Variants in GMDS observed in about 807,000 individuals in gnomAD.
GMDS encodes the protein GDP-mannose 4,6-dehydratase, also known as GDP-mannose 4,6 dehydratase.
Under a neutral mutation model 49.9 loss-of-function variants are expected in GMDS, and 20 were observed. That is an observed-to-expected ratio of 0.40 (90% CI 0.28 to 0.58). GMDS has a LOEUF of 0.58. Ranked by LOEUF, GMDS falls within the 20% of genes least tolerant of loss-of-function variation. The probability of loss-of-function intolerance (pLI) is 0.42; values close to 1 mark genes in which losing one functional copy is unlikely to be tolerated. For missense variants in GMDS, 362 were observed against 481.4 expected (o/e 0.75, Z 2.32); for synonymous variants, 177 against 178.6 (o/e 0.99, Z 0.07).
intron 1 of GMDS, among the ~76,000 whole-genome samples, chr6:2,158,378 C>A (rs1777214921): frequency 1.3e-5 from 2 of 152,166 alleles, no homozygotes; most frequent in Admixed American, 1.3e-4. Flanking sequence ...GTACTTCCTA[C>A]AGTTTGGTAA....
chr6:1,663,212 T>C (rs1286269902), intron 9 of GMDS, among the ~76,000 whole-genome samples: 1 of 152,198 alleles, frequency 6.6e-6, no homozygotes, highest in African/African-American at 2.4e-5. Flanking sequence ...GAAATTCAAC[T>C]TGGGGTGTCT....
intron 4 of GMDS, among the ~76,000 whole-genome samples, chr6:2,081,776 G>A (rs1772715639): frequency 1.3e-5 from 2 of 152,072 alleles, no homozygotes. Context: ...CAGCGTAGGT[G>A]AATGACCCAT....
intron 7 of GMDS, among the ~76,000 whole-genome samples, chr6:1,805,952 T>C (rs1465392989): frequency 6.6e-6 from 1 of 152,114 alleles, no homozygotes; most frequent in Non-Finnish European, 1.5e-5. Flanking sequence ...TATATGAAAA[T>C]GTAGATATAT....
chr6:2,245,190 C>G (rs964339356), intron 1 of GMDS, 131 bp downstream of exon 1: 3 of 666,148 alleles, frequency 4.5e-6, no homozygotes, highest in Non-Finnish European at 7.9e-6. Context: ...TCCCACCTCC[C>G]GGCAGCAGAC....
At chr6:1,707,221 C>T (rs565288193) in intron 9 of GMDS, among the ~76,000 whole-genome samples, 3 of 152,180 alleles carry the variant, frequency 2.0e-5, no homozygotes, top group South Asian at 2.1e-4. Context: ...ACCAGAACCA[C>T]GTCTCTGCTA....
intron 4 of GMDS, among the ~76,000 whole-genome samples, chr6:1,974,017 C>T (rs982891783): frequency 6.6e-6 from 1 of 152,064 alleles, no homozygotes. Flanking sequence ...TTGTAAGTCA[C>T]AAAACAAGAG....
chr6:1,798,564 C>T (rs902313564), intron 7 of GMDS, among the ~76,000 whole-genome samples: 5 of 152,122 alleles, frequency 3.3e-5, no homozygotes, highest in Non-Finnish European at 5.9e-5. Flanking sequence ...GAGGTAGAAG[C>T]GTGAGGCTCC....
intron 7 of GMDS, among the ~76,000 whole-genome samples, chr6:1,891,938 C>T (rs995715495): frequency 5.9e-5 from 9 of 152,174 alleles, no homozygotes; most frequent in Admixed American, 1.3e-4. Flanking sequence ...CAAATCCCAT[C>T]GACTGTAAAC....
intron 7 of GMDS, among the ~76,000 whole-genome samples, chr6:1,850,414 A>T (rs567998125): frequency 2.0e-5 from 3 of 152,338 alleles, no homozygotes; most frequent in Admixed American, 2.0e-4. Context: ...GTCAGTTTTC[A>T]GTTAATTTAC....
At chr6:1,947,899 A>C (rs578090333) in intron 6 of GMDS, among the ~76,000 whole-genome samples, 1 of 152,354 alleles carries the variant, frequency 6.6e-6, no homozygotes, top group Non-Finnish European at 1.5e-5. Context: ...TGTTCAGAGA[A>C]AACAAAGTCA....
intron 1 of GMDS, among the ~76,000 whole-genome samples, chr6:2,125,341 C>A (rs948695625): frequency 1.3e-5 from 2 of 152,056 alleles, no homozygotes; most frequent in Non-Finnish European, 2.9e-5. Context: ...GTTGCCCAGG[C>A]TGGTGTCAAA....
intron 9 of GMDS, among the ~76,000 whole-genome samples, chr6:1,651,291 C>T (rs774517630): frequency 8.5e-5 from 13 of 152,204 alleles, no homozygotes; most frequent in African/African-American, 2.2e-4. Flanking sequence ...TCAAAGAGTC[C>T]GGCTGGTGTG....
In GMDS at chr6:2,128,928, G is replaced by A. The variant is rs114570939; in HGVS notation, c.103-4197C>T. Among the ~76,000 whole-genome samples, 971 of 152,268 alleles carry A rather than the reference G, an allele frequency of 6.4e-3. 10 individuals are homozygous for A. The highest frequency in any genetic ancestry group is 0.022 in the African/African-American group (930 of 41,534). On this transcript the variant is annotated intron_variant, in intron 1 of 10. Coordinates refer to ENST00000380815, the MANE Select transcript of GMDS (RefSeq NM_001500.4). ...TGCAGTTGTTCAGTGTTGTTTGGAG[G>A]TGGATTTAGATTGCTGGTGGTTGTA...
chr6:1,769,778 C>T lies in GMDS; in HGVS notation c.772-27192G>A, dbSNP rs139315392. ...AGTGCAGTGGCGTGATCTCCACAAC[C>T]AAAAAATGCGTGATCTCTGCTCACT... is the stretch of plus-strand genomic sequence containing the variant. On this transcript the variant is annotated intron_variant, in intron 7 of 10. Coordinates refer to ENST00000380815, the MANE Select transcript of GMDS (RefSeq NM_001500.4). Among the ~76,000 whole-genome samples the T allele has an allele frequency of 8.9e-3, 1,358 of 151,966 alleles. 11 individuals carry two copies. Among genetic ancestry groups the T allele is most frequent in the Non-Finnish European group, 0.015 (1,043 of 67,980 alleles).
rs935113867 is a variant in GMDS, at chr6:1,709,351, G to C, written c.987+17065C>G. ...GGGAGGAAAGTTGCAGAGGCTTCGT[G>C]GGGGAGCACGGCCTGGAAACTGGCT... On this transcript the variant is annotated intron_variant, in intron 9 of 10. Coordinates refer to ENST00000380815, the MANE Select transcript of GMDS (RefSeq NM_001500.4). 3.9e-5 allele frequency among the ~76,000 whole-genome samples: 6 copies of C among 152,234 alleles called. No individual in the cohort carries two copies. The East Asian group carries it at 5.8e-4, about 15-fold the overall frequency.
At chr6:2,094,039 T>C (rs2127479016) in intron 4 of GMDS, among the ~76,000 whole-genome samples, 1 of 152,286 alleles carries the variant, frequency 6.6e-6, no homozygotes, top group Non-Finnish European at 1.5e-5. Context: ...TAATGAAATG[T>C]GGGCCTTTGT....
intron 7 of GMDS, among the ~76,000 whole-genome samples, chr6:1,893,163 A>C (rs891082031): frequency 3.3e-5 from 5 of 151,720 alleles, no homozygotes; most frequent in African/African-American, 1.2e-4. Flanking sequence ...AGCAGAGAAC[A>C]ACAGTTTCTC....
rs56095985 is a variant in GMDS at position 1,969,289 on chromosome 6, A to AAAAAAAAAAAAAAAG, written c.346-8324_346-8323insCTTTTTTTTTTTTTT. On this transcript the variant is annotated intron_variant, in intron 4 of 10. Coordinates refer to ENST00000380815, the MANE Select transcript of GMDS (RefSeq NM_001500.4). The stretch of plus-strand genomic sequence containing the variant: ...AAAAAAAAAAAAAAAAAAAAAAAAA[A>AAAAAAAAAAAAAAAG]AGAGAAAGAAAGAAAAAAAGAAATT... Among the ~76,000 whole-genome samples, 41 of 84,352 alleles carry AAAAAAAAAAAAAAAG rather than the reference A, an allele frequency of 4.9e-4. 5 individuals carry two copies. Among genetic ancestry groups the AAAAAAAAAAAAAAAG allele is most frequent in the Non-Finnish European group, 6.9e-4 (30 of 43,288 alleles). The allele number at this position is 84,352 out of a possible 152,430, so 55.3% of individuals were successfully genotyped here.
intron 7 of GMDS, among the ~76,000 whole-genome samples, chr6:1,831,888 C>T (rs1756663292): frequency 6.6e-6 from 1 of 152,082 alleles, no homozygotes; most frequent in Non-Finnish European, 1.5e-5. Context: ...TTTACCCTCC[C>T]CATAAGAATT....
Sources: gnomAD v4.1 joint callset for allele counts (sites outside exome capture counted in the v4.1 genomes callset) on GRCh38, gnomAD v4.1.1 for gene constraint, MANE v1.5 for transcripts, NCBI Gene and HGNC (gene_info 2026-07-23, HGNC 2026-07-21) for gene names.